Variants in CRYBG1 observed in about 807,000 individuals in gnomAD.
CRYBG1 encodes the protein crystallin beta-gamma domain containing 1.
In CRYBG1, 139 loss-of-function variants were observed where a neutral mutation model predicts 189.2. That is an observed-to-expected ratio of 0.73 (90% CI 0.64 to 0.85). The LOEUF is 0.85. CRYBG1 is among the 40% of genes least tolerant of loss of function. The probability of loss-of-function intolerance (pLI) is 0.00; values close to 1 mark genes in which losing one functional copy is unlikely to be tolerated. For synonymous variants in CRYBG1, 1,023 were observed against 1,017.1 expected (o/e 1.01, Z -0.11); for missense variants, 2,611 against 2,675.8 (o/e 0.98, Z 0.53).
chr6:106,521,955 G>T (rs145515269), intron 4 of CRYBG1, among the ~76,000 whole-genome samples: 1 of 151,892 alleles, frequency 6.6e-6, no homozygotes, highest in Non-Finnish European at 1.5e-5. Context: ...GGCTGGTCTC[G>T]AACTCCTGAC....
chr6:106,557,635 G>C (rs1774583367), intron 17 of CRYBG1, among the ~76,000 whole-genome samples: 1 of 151,946 alleles, frequency 6.6e-6, no homozygotes, highest in Non-Finnish European at 1.5e-5. Context: ...GTTTCACCCT[G>C]TTGGCCAGGC....
At chr6:106,474,453 T>C (rs1182656344) in intron 2 of CRYBG1, among the ~76,000 whole-genome samples, 1 of 152,244 alleles carries the variant, frequency 6.6e-6, no homozygotes, top group Non-Finnish European at 1.5e-5. Flanking sequence ...CAGAAGAAAC[T>C]TCTTTTAAAG....
At chr6:106,508,086 G>A (rs1324753958) in intron 2 of CRYBG1, among the ~76,000 whole-genome samples, 1 of 152,246 alleles carries the variant, frequency 6.6e-6, no homozygotes, top group South Asian at 2.1e-4. Context: ...CTACAAAAAA[G>A]TTAAAAATTA....
chr6:106,369,718 T>A (rs1208858967), intron 1 of CRYBG1, among the ~76,000 whole-genome samples: 2 of 152,216 alleles, frequency 1.3e-5, no homozygotes, highest in South Asian at 2.1e-4. Context: ...CCCATCAATA[T>A]TTGATTGAGA....
At chr6:106,436,136 A>G (rs892430312) in intron 1 of CRYBG1, among the ~76,000 whole-genome samples, 2 of 151,806 alleles carry the variant, frequency 1.3e-5, no homozygotes, top group Non-Finnish European at 2.9e-5. Context: ...ATTTTTATTA[A>G]ATGTTTTTCT....
chr6:106,439,382 A>C (rs1771528289), intron 1 of CRYBG1, among the ~76,000 whole-genome samples: 1 of 152,078 alleles, frequency 6.6e-6, no homozygotes, highest in Non-Finnish European at 1.5e-5. Context: ...TTCCTTTTTG[A>C]ATTATTGTTA....
At chr6:106,494,717 C>T (rs563262913) in intron 2 of CRYBG1, among the ~76,000 whole-genome samples, 1 of 152,164 alleles carries the variant, frequency 6.6e-6, no homozygotes, top group East Asian at 1.9e-4. Flanking sequence ...ATTTAGGTGT[C>T]CATTATTTAA....
At chr6:106,433,102 G>T (rs1432741240) in intron 1 of CRYBG1, among the ~76,000 whole-genome samples, 2 of 151,944 alleles carry the variant, frequency 1.3e-5, no homozygotes, top group African/African-American at 4.8e-5. Context: ...GCCTCCCAAA[G>T]TGCTGGGATT....
At chr6:106,369,139 A>G (rs1459253647) in intron 1 of CRYBG1, among the ~76,000 whole-genome samples, 2 of 152,216 alleles carry the variant, frequency 1.3e-5, no homozygotes, top group Non-Finnish European at 2.9e-5. Context: ...AAGTACCAGG[A>G]GGCCCAAGGA....
chr6:106,515,555 C>A (rs554738035), intron 3 of CRYBG1, among the ~76,000 whole-genome samples: 42 of 152,150 alleles, frequency 2.8e-4, no homozygotes, highest in African/African-American at 7.0e-4. Context: ...TGGTATGTGA[C>A]CATCCCTCAT....
chr6:106,516,316 C>T (rs1368655718), intron 3 of CRYBG1, among the ~76,000 whole-genome samples: 8 of 151,958 alleles, frequency 5.3e-5, no homozygotes, highest in African/African-American at 1.9e-4. Context: ...TCACTGCAAC[C>T]TCCACCTCCC....
chr6:106,562,555 C>T (rs1409668130), intron 20 of CRYBG1, among the ~76,000 whole-genome samples: 1 of 152,148 alleles, frequency 6.6e-6, no homozygotes, highest in African/African-American at 2.4e-5. Context: ...GGCACTATCT[C>T]GGCTCACTTC....
At chr6:106,389,169 T>A (rs1257807989) in intron 1 of CRYBG1, among the ~76,000 whole-genome samples, 3 of 152,168 alleles carry the variant, frequency 2.0e-5, no homozygotes, top group Non-Finnish European at 4.4e-5. Flanking sequence ...AGATTAAAAA[T>A]TGCTTTTTGT....
intron 1 of CRYBG1, among the ~76,000 whole-genome samples, chr6:106,393,017 C>T (rs899728056): frequency 5.9e-5 from 9 of 152,252 alleles, no homozygotes; most frequent in South Asian, 4.2e-4. Context: ...TCAAGTGATC[C>T]GCTCACCTTG....
At chr6:106,450,876 T>C (rs1226626180) in intron 1 of CRYBG1, among the ~76,000 whole-genome samples, 1 of 152,216 alleles carries the variant, frequency 6.6e-6, no homozygotes, top group Non-Finnish European at 1.5e-5. Flanking sequence ...GGGCAAAGTA[T>C]GAACATTTTA....
chr6:106,480,747 G>A (rs1263537204), intron 2 of CRYBG1, among the ~76,000 whole-genome samples: 2 of 151,894 alleles, frequency 1.3e-5, no homozygotes, highest in East Asian at 1.9e-4. Flanking sequence ...TGAGGCGGGT[G>A]GATCACTTGA....
chr6:106,543,867 C>G (rs1044752447), intron 11 of CRYBG1, among the ~76,000 whole-genome samples: 1 of 152,210 alleles, frequency 6.6e-6, no homozygotes, highest in African/African-American at 2.4e-5. Flanking sequence ...GCCTGACCAA[C>G]ATGGGGAAAC....
intron 1 of CRYBG1, among the ~76,000 whole-genome samples, chr6:106,387,775 G>T (rs928534170): frequency 1.3e-5 from 2 of 151,980 alleles, no homozygotes; most frequent in African/African-American, 4.8e-5. Context: ...GATTCTCATG[G>T]TAACAAAATT....
At chr6:106,564,501 A>T (rs766022614) in intron 21 of CRYBG1, among the ~76,000 whole-genome samples, 4 of 152,194 alleles carry the variant, frequency 2.6e-5, no homozygotes, top group African/African-American at 4.8e-5. Context: ...GGGAGAATAA[A>T]TTTAGCGTGG....
Sources: gnomAD v4.1 joint callset for allele counts (sites outside exome capture counted in the v4.1 genomes callset) on GRCh38, gnomAD v4.1.1 for gene constraint, MANE v1.5 for transcripts, NCBI Gene and HGNC (gene_info 2026-07-23, HGNC 2026-07-21) for gene names.